FBP2: variants seen among roughly 807,000 people sequenced by gnomAD.
FBP2 encodes fructose-bisphosphatase 2.
A neutral mutation model predicts 31.6 loss-of-function variants in FBP2; 27 were observed. The ratio of observed to expected loss-of-function variants is 0.85; its 90% CI spans 0.63 to 1.18. The LOEUF is 1.18. Among genes scored for constraint, FBP2 ranks in the 50% most tolerant of loss-of-function variants. The pLI, the probability that FBP2 is intolerant of heterozygous loss-of-function variation, is 0.00. For synonymous variants in FBP2, 168 were observed against 179.8 expected, an observed-to-expected ratio of 0.93 and a Z score of 0.53; for missense variants, 421 against 436.1, an observed-to-expected ratio of 0.97 and a Z score of 0.31.
rs1174386595 is a variant in FBP2 at position 94,561,352 on chromosome 9, A to ATTTTTTTTTTT, written c.825+1979_825+1989dup. On this transcript the variant is annotated intron_variant, in intron 6 of 6. Coordinates refer to ENST00000375337, the MANE Select transcript of FBP2 (RefSeq NM_003837.4). ...GCAGGCCATGTGACATGTGACCTGT[A>ATTTTTTTTTTT]TTTTTTTTTTTTTTTTTTTTTTTTT... is the stretch of plus-strand genomic sequence containing the variant. Among the ~76,000 whole-genome samples the ATTTTTTTTTTT allele has an allele frequency of 1.2e-3, 66 of 54,986 alleles. 16 individuals are homozygous for ATTTTTTTTTTT. Among genetic ancestry groups the ATTTTTTTTTTT allele is most frequent in the Non-Finnish European group, 1.6e-3 (53 of 32,750 alleles). The allele number at this position is 54,986 out of a possible 152,430, so 36.1% of individuals were successfully genotyped here. A position where few individuals can be genotyped will look rare whatever the true frequency, so the allele number is the denominator to read the frequency against.
At chr9:94,578,782 G>A (rs143687099) in intron 3 of FBP2, among the ~76,000 whole-genome samples, 38 of 152,070 alleles carry the variant, frequency 2.5e-4, no homozygotes, top group Middle Eastern at 3.4e-3. Flanking sequence ...GGCTGGACGT[G>A]GTGGCTCAGG....
chr9:94,588,580 C>T (rs892700626), intron 1 of FBP2, among the ~76,000 whole-genome samples: 20 of 152,166 alleles, frequency 1.3e-4, no homozygotes, highest in Middle Eastern at 3.2e-3. Context: ...GCTGTGATCA[C>T]GCCACTGCAC....
chr9:94,567,579 G>A, intron 4 of FBP2, 172 bp from the exon 5 acceptor site: 1 of 647,608 alleles, frequency 1.5e-6, no homozygotes, highest in Non-Finnish European at 2.6e-6. Flanking sequence ...GGGAAGAATA[G>A]GGACCATATG....
At chr9:94,562,717 C>T (rs1176364266) in intron 6 of FBP2, among the ~76,000 whole-genome samples, 1 of 152,118 alleles carries the variant, frequency 6.6e-6, no homozygotes, top group African/African-American at 2.4e-5. Context: ...GGGAGGTTCT[C>T]TGCAAGATAG....
chr9:94,559,323 T>C (rs1827058863), intron 6 of FBP2, among the ~76,000 whole-genome samples, 191 bp from the exon 7 acceptor site: 1 of 152,182 alleles, frequency 6.6e-6, no homozygotes, highest in Non-Finnish European at 1.5e-5. Context: ...ATGGCACTCA[T>C]CCAGAAGCCT....
chr9:94,591,997 C>G (rs1165966116), intron 1 of FBP2, among the ~76,000 whole-genome samples: 2 of 152,154 alleles, frequency 1.3e-5, no homozygotes, highest in Admixed American at 1.3e-4. Context: ...GCCAAGAGCC[C>G]TGCACAGAGG....
chr9:94,587,747 G>T (rs77783461), intron 1 of FBP2, among the ~76,000 whole-genome samples: 9,473 of 152,206 alleles, frequency 0.062, 972 homozygotes, highest in African/African-American at 0.22. Flanking sequence ...AGCACGAGGA[G>T]ATGGAGCAGA....
Position 94,587,424 on chromosome 9 carries a change from C to T in FBP2, c.216G>A (p.Lys72=). Reference sequence around the variant, plus strand: ...GGGAATTGGATAGCACATCCAGTTTCTTCACCTCATCTCCCGTCACGTTAA... The same window carrying T: ...GGGAATTGGATAGCACATCCAGTTTTTTCACCTCATCTCCCGTCACGTTAA... The part of the protein sequence containing the change: ...GSVNVTGDEV[K]KLDVLSNSLV... The change falls in exon 2 of 7, where the codon AAG becomes AAA. Residue 72 remains lysine, a synonymous_variant. Coordinates refer to ENST00000375337, the MANE Select transcript of FBP2 (RefSeq NM_003837.4). 5 of 1,614,142 alleles carry T rather than the reference C, an allele frequency of 3.1e-6. No individual in the cohort carries two copies. Among genetic ancestry groups the T allele is most frequent in the Non-Finnish European group, 4.2e-6 (5 of 1,180,020 alleles).
chr9:94,590,299 G>A (rs1015617080), intron 1 of FBP2, among the ~76,000 whole-genome samples: 3 of 152,222 alleles, frequency 2.0e-5, no homozygotes, highest in African/African-American at 7.2e-5. Context: ...AAGCCAAGGA[G>A]AGGCTCCAGG....
At position 94,593,756 on chromosome 9, in the gene FBP2, C is replaced by T; in HGVS notation, c.-30G>A. ...GCTGGAATGCTTCAAATCCTTTTCT[C>T]CCGGCAGGAAACCTTGCTTACTTCT... On this transcript the variant is annotated 5_prime_UTR_variant, in exon 1 of 7. Transcript: ENST00000375337. The T allele has an allele frequency of 6.2e-7, 1 of 1,611,394 alleles. No homozygotes were observed. The highest frequency in any genetic ancestry group is 8.5e-7 in the Non-Finnish European group (1 of 1,178,424).
chr9:94,592,961 C>T (rs1827517784), intron 1 of FBP2, among the ~76,000 whole-genome samples: 2 of 152,182 alleles, frequency 1.3e-5, no homozygotes, highest in Admixed American at 1.3e-4. Flanking sequence ...AACCTCTGCG[C>T]TCCCCTCCCA....
At chr9:94,589,143 T>TC (rs1564187859) in intron 1 of FBP2, among the ~76,000 whole-genome samples, 2 of 151,938 alleles carry the variant, frequency 1.3e-5, no homozygotes, top group African/African-American at 2.4e-5. Flanking sequence ...GATTTTTTTT[T>TC]CCATTCTGAG....
chr9:94,593,145 CAT>C (rs1274256644), intron 1 of FBP2, among the ~76,000 whole-genome samples: 1 of 152,196 alleles, frequency 6.6e-6, no homozygotes, highest in Non-Finnish European at 1.5e-5. Context: ...CAGCTCCTAA[CAT>C]ATTTGCAAAG....
At chr9:94,564,851 A>G (rs1186512062) in intron 5 of FBP2, among the ~76,000 whole-genome samples, 1 of 152,198 alleles carries the variant, frequency 6.6e-6, no homozygotes, top group East Asian at 1.9e-4. Context: ...CATCATAGGA[A>G]TATGTTATAG....
At chr9:94,582,904 G>C (rs182160196) in intron 3 of FBP2, among the ~76,000 whole-genome samples, 3,801 of 139,902 alleles carry the variant, frequency 0.027, 64 homozygotes, top group Middle Eastern at 0.053. Context: ...GCCCAGGCTG[G>C]AGTGCAATGG....
Position 94,559,110 on chromosome 9 carries a change from T to C in FBP2, c.848A>G (p.Asn283Ser), listed in dbSNP as rs753566490. 11 of 1,612,958 alleles carry C rather than the reference T, an allele frequency of 6.8e-6. No individual in the cohort carries two copies. The highest frequency in any genetic ancestry group is 5.0e-5 in the Admixed American group (3 of 59,978). Residue 283 changes from asparagine to serine, a missense_variant, in exon 7 of 7, where the codon AAT (asparagine) becomes AGT (serine). By Grantham distance (46) the Asn-to-Ser change is conservative (BLOSUM62 1). Transcript: ENST00000375337. ...CTGCTCAATGATGTAGGCCACGGGATTGCATTCATACAGGAGCCGGAGCTG... is the reference window on the plus strand; with the variant it reads ...CTGCTCAATGATGTAGGCCACGGGACTGCATTCATACAGGAGCCGGAGCTG... ...KGKLRLLYECNPVAYIIEQAG... is the reference protein window; with the variant it reads ...KGKLRLLYECSPVAYIIEQAG...
rs1564189427 is a variant in FBP2 at position 94,593,805 on chromosome 9, G to A, written c.-79C>T. ...CTGAGGGCTGCAGCTCCGCAGTGTG[G>A]AAGCCGATAAGAAATCTGTGCTGGC... On this transcript the variant is annotated 5_prime_UTR_variant, in exon 1 of 7. Transcript: ENST00000375337. The A allele has an allele frequency of 1.4e-4, 213 of 1,501,500 alleles. No homozygotes were observed. Among genetic ancestry groups the A allele is most frequent in the East Asian group, 4.6e-5 (2 of 43,504 alleles). The allele number at this position is 1,501,500 out of a possible 1,614,324, so 93.0% of individuals were successfully genotyped here.
intron 2 of FBP2, among the ~76,000 whole-genome samples, chr9:94,585,382 G>A (rs778280965): frequency 2.6e-5 from 4 of 152,070 alleles, no homozygotes; most frequent in Non-Finnish European, 5.9e-5. Flanking sequence ...GTTTGTTTCC[G>A]GGGGGTCAGC....
intron 3 of FBP2, among the ~76,000 whole-genome samples, chr9:94,579,246 A>G (rs2131455033): frequency 6.7e-6 from 1 of 149,152 alleles, no homozygotes; most frequent in African/African-American, 2.5e-5. Context: ...AAAATACACA[A>G]AATTAGCCGG....
Sources: gnomAD v4.1 joint callset for allele counts (sites outside exome capture counted in the v4.1 genomes callset) on GRCh38, gnomAD v4.1.1 for gene constraint, MANE v1.5 for transcripts, NCBI Gene and HGNC (gene_info 2026-07-23, HGNC 2026-07-21) for gene names.